VAMP3: variants seen among roughly 807,000 people sequenced by gnomAD.
The protein encoded by VAMP3 is vesicle associated membrane protein 3.
A neutral mutation model predicts 18.1 loss-of-function variants in VAMP3; 11 were observed. The observed-to-expected ratio is 0.61, with a 90% CI of 0.38 to 1.00. The LOEUF (loss-of-function observed/expected upper bound fraction) is 1.00, where lower values mean the gene tolerates loss of function less well. VAMP3 is among the 50% of genes least tolerant of loss of function. The pLI is 0.01. For missense variants in VAMP3, 122 were observed against 127.3 expected, an observed-to-expected ratio of 0.96 and a Z score of 0.20; for synonymous variants, 49 against 43.1, an observed-to-expected ratio of 1.14 and a Z score of -0.53.
rs2097050194 is a variant in VAMP3, at chr1:7,771,301, A to C, written c.-83A>C. ...TCTTTGCCCCGCGCCGCGCCGTCCCACCCATCTCCCTGGCCTCCGGTCCCA... is the reference window on the plus strand; with the variant it reads ...TCTTTGCCCCGCGCCGCGCCGTCCCCCCCATCTCCCTGGCCTCCGGTCCCA... On this transcript the variant is annotated 5_prime_UTR_variant, in exon 1 of 5. Coordinates refer to ENST00000054666, the MANE Select transcript of VAMP3 (RefSeq NM_004781.4). 2.6e-6 allele frequency: 4 copies of C among 1,521,812 alleles called. No individual in the cohort carries two copies. Among genetic ancestry groups the C allele is most frequent in the Admixed American group, 3.7e-5 (2 of 53,504 alleles). The allele number at this position is 1,521,812 out of a possible 1,614,324, so 94.3% of individuals were successfully genotyped here.
chr1:7,779,638 C>A lies in VAMP3; in HGVS notation c.296C>A (p.Ser99Tyr), dbSNP rs144427684. ...FIIIIIVWVV[S>Y]S Reference sequence around the variant, plus strand: ...TCCTCCTTCTTAGTGTGGGTTGTCTCTTCATGAAGAACCAGCGGAACTCAA... The same window carrying A: ...TCCTCCTTCTTAGTGTGGGTTGTCTATTCATGAAGAACCAGCGGAACTCAA... The change falls in exon 5 of 5, where the codon TCT becomes TAT. Residue 99 changes from serine to tyrosine, a missense_variant. Ser to Tyr is a moderately radical substitution (Grantham distance 144). Coordinates refer to ENST00000054666, the MANE Select transcript of VAMP3 (RefSeq NM_004781.4). 1 of 1,614,054 alleles carries A rather than the reference C, an allele frequency of 6.2e-7. No homozygotes were observed. Among genetic ancestry groups the A allele is most frequent in the African/African-American group, 1.3e-5 (1 of 74,922 alleles).
chr1:7,774,982 G>A (rs2097053529), intron 2 of VAMP3, among the ~76,000 whole-genome samples: 1 of 152,194 alleles, frequency 6.6e-6, no homozygotes, highest in Non-Finnish European at 1.5e-5. Context: ...CTGCCAAATT[G>A]TTTTCCACAA....
chr1:7,771,435 C>G, intron 1 of VAMP3, 50 bp downstream of exon 1: 1 of 1,510,098 alleles, frequency 6.6e-7, no homozygotes, highest in Non-Finnish European at 8.8e-7. Context: ...CAGGCGGCAG[C>G]TCGCGCTGGG....
In VAMP3 at chr1:7,771,299, C is replaced by A; in HGVS notation, c.-85C>A. 2 of 1,550,342 alleles carry A rather than the reference C, an allele frequency of 1.3e-6. No homozygotes were observed. The highest frequency in any genetic ancestry group is 1.7e-6 in the Non-Finnish European group (2 of 1,147,396). ...CGTCTTTGCCCCGCGCCGCGCCGTC[C>A]CACCCATCTCCCTGGCCTCCGGTCC... On this transcript the variant is annotated 5_prime_UTR_variant, in exon 1 of 5. Transcript: ENST00000054666.
rs2097055163 is a variant in VAMP3 at position 7,778,060 on chromosome 1, T to C, written c.232-58T>C. On this transcript the variant is annotated intron_variant, in intron 3 of 4. Transcript: ENST00000054666. Reference sequence around the variant, plus strand: ...CTAGATGAATATTATATAATACTCTTCAACAAGCACATTATGTCTGCATTT... The same window carrying C: ...CTAGATGAATATTATATAATACTCTCCAACAAGCACATTATGTCTGCATTT... 13 of 1,582,876 alleles carry C rather than the reference T, an allele frequency of 8.2e-6. No individual in the cohort carries two copies. The South Asian group carries it at 1.3e-4, about 16-fold the overall frequency.
intron 1 of VAMP3, chr1:7,772,890 T>C (rs1465213741): frequency 6.6e-6 from 1 of 152,380 alleles, no homozygotes; most frequent in Non-Finnish European, 1.5e-5. Flanking sequence ...ACTCCGTCTC[T>C]CAAAAGAGGG....
chr1:7,775,908 T>C (rs146873317), intron 2 of VAMP3, among the ~76,000 whole-genome samples: 6 of 152,232 alleles, frequency 3.9e-5, no homozygotes, highest in Non-Finnish European at 7.3e-5. Context: ...GGCTCTTCAA[T>C]TGGCCCAGCA....
intron 2 of VAMP3, among the ~76,000 whole-genome samples, chr1:7,774,443 G>C (rs2097053124): frequency 6.6e-6 from 1 of 151,998 alleles, no homozygotes; most frequent in Admixed American, 6.5e-5. Flanking sequence ...ATTTTAAACT[G>C]TATATAATTG....
intron 2 of VAMP3, among the ~76,000 whole-genome samples, chr1:7,774,107 A>G (rs2150365531): frequency 6.6e-6 from 1 of 152,366 alleles, no homozygotes; most frequent in Middle Eastern, 3.4e-3. Flanking sequence ...AGATTGAGAA[A>G]TTCAGACTAG....
Position 7,771,332 on chromosome 1 carries a change from G to T in VAMP3, c.-52G>T. On this transcript the variant is annotated 5_prime_UTR_variant, in exon 1 of 5. Transcript: ENST00000054666. Reference sequence around the variant, plus strand: ...CTCCCTGGCCTCCGGTCCCAACTTCGCTTCTCTGCTGACCCTCTCTCGTCG... The same window carrying T: ...CTCCCTGGCCTCCGGTCCCAACTTCTCTTCTCTGCTGACCCTCTCTCGTCG... The T allele has an allele frequency of 6.3e-7, 1 of 1,593,668 alleles. No individual in the cohort carries two copies. Among genetic ancestry groups the T allele is most frequent in the Non-Finnish European group, 8.5e-7 (1 of 1,172,722 alleles).
intron 3 of VAMP3, among the ~76,000 whole-genome samples, 182 bp downstream of exon 3, chr1:7,777,500 G>A (rs1416579241): frequency 6.6e-6 from 1 of 152,130 alleles, no homozygotes; most frequent in Non-Finnish European, 1.5e-5. Context: ...CCCCACACTA[G>A]GAATCCTCTA....
At position 7,773,366 on chromosome 1, in the gene VAMP3, G is replaced by A. The variant is rs568026739; in HGVS notation, c.3-76G>A. ...AGAGATTGTTAACAGTGAGAGTCCC[G>A]GAGTAACATCTTTATACTTAAGAAA... is the stretch of plus-strand genomic sequence containing the variant. On this transcript the variant is annotated intron_variant, in intron 1 of 4. Transcript: ENST00000054666. 3.8e-4 allele frequency: 453 copies of A among 1,192,490 alleles called. 3 individuals are homozygous for A. The highest frequency in any genetic ancestry group is 7.5e-4 in the Admixed American group (37 of 49,660). 73.9% of individuals were successfully genotyped at this position (1,192,490 alleles called of 1,614,324 possible). A position where few individuals can be genotyped will look rare whatever the true frequency, so the allele number is the denominator to read the frequency against.
intron 4 of VAMP3, among the ~76,000 whole-genome samples, chr1:7,779,009 C>T (rs1212863586): frequency 6.6e-6 from 1 of 152,126 alleles, no homozygotes; most frequent in Non-Finnish European, 1.5e-5. Flanking sequence ...TCCTGGCTAA[C>T]ACGGTGAAAC....
chr1:7,778,936 C>G (rs539708714), intron 4 of VAMP3, among the ~76,000 whole-genome samples: 16 of 152,344 alleles, frequency 1.1e-4, no homozygotes, highest in African/African-American at 3.8e-4. Context: ...TGGCGCACGC[C>G]TGTAATCCCA....
chr1:7,778,977 C>T (rs974573617), intron 4 of VAMP3, among the ~76,000 whole-genome samples: 5 of 152,120 alleles, frequency 3.3e-5, no homozygotes, highest in Non-Finnish European at 7.3e-5. Flanking sequence ...GGGCAGATCA[C>T]GAGGTCAGGA....
chr1:7,777,966 C>T (rs765432104), intron 3 of VAMP3, 152 bp from the exon 4 acceptor site: 70 of 782,294 alleles, frequency 8.9e-5, no homozygotes, highest in Non-Finnish European at 1.3e-4. Context: ...TAATTGAGAA[C>T]ATTTAATTTA....
Position 7,777,310 on chromosome 1 carries a change from A to G in VAMP3, c.223A>G (p.Asn75Asp), listed in dbSNP as rs1351913627. The G allele has an allele frequency of 2.5e-6, 4 of 1,611,406 alleles. No individual in the cohort carries two copies. The African/African-American group carries it at 5.3e-5, about 21-fold the overall frequency. ...GTTGAAGAGGAAATATTGGTGGAAG[A>G]ATTGCAAGGTAATTATCTTTTAACT... The part of the protein sequence containing the change: ...AKLKRKYWWK[N>D]CKMWAIGITV... Residue 75 changes from asparagine to aspartate, a missense_variant, in exon 3 of 5, where the codon AAT (asparagine) becomes GAT (aspartate). Transcript: ENST00000054666.
chr1:7,779,719 C>T lies in VAMP3; in HGVS notation c.*74C>T. 1.6e-5 allele frequency: 26 copies of T among 1,597,796 alleles called. No homozygotes were observed. Among genetic ancestry groups the T allele is most frequent in the Non-Finnish European group, 2.2e-5 (26 of 1,167,024 alleles). On this transcript the variant is annotated 3_prime_UTR_variant, in exon 5 of 5. Transcript: ENST00000054666. ...TTTGACTTAGAACCTGCTATATTAT[C>T]AAGCTTACCTACTGTTATCTCTAAA... is the stretch of plus-strand genomic sequence containing the variant.
At chr1:7,773,744 C>T (rs961399474) in intron 2 of VAMP3, among the ~76,000 whole-genome samples, 1 of 152,164 alleles carries the variant, frequency 6.6e-6, no homozygotes, top group Non-Finnish European at 1.5e-5. Context: ...ACATTTAGCT[C>T]AGGAGAAATA....
Sources: gnomAD v4.1 joint callset for allele counts (sites outside exome capture counted in the v4.1 genomes callset) on GRCh38, gnomAD v4.1.1 for gene constraint, MANE v1.5 for transcripts, NCBI Gene and HGNC (gene_info 2026-07-23, HGNC 2026-07-21) for gene names.